The following TBC1D32 variants were observed in gnomAD, a reference collection of about 807,000 sequenced individuals.
TBC1D32 encodes protein broad-minded.
In TBC1D32, 151 loss-of-function variants were observed where a neutral mutation model predicts 170.3. That is an observed-to-expected ratio of 0.89 (90% CI 0.78 to 1.01). TBC1D32 has a LOEUF of 1.01. Ranked by LOEUF, TBC1D32 falls within the 50% of genes least tolerant of loss-of-function variation. The pLI is 0.00. For missense variants in TBC1D32, 1,464 were observed against 1,457.1 expected (o/e 1.00, Z -0.08); for synonymous variants, 498 against 488.0 (o/e 1.02, Z -0.27).
chr6:121,304,499 A>G (rs1342824739), intron 7 of TBC1D32, 23 bp downstream of exon 7: 1 of 1,601,218 alleles, frequency 6.2e-7, no homozygotes, highest in South Asian at 1.1e-5. Flanking sequence ...TAAAAATGAA[A>G]GCATATTGTA....
intron 24 of TBC1D32, among the ~76,000 whole-genome samples, chr6:121,133,833 G>A (rs537844754): frequency 1.2e-4 from 19 of 152,074 alleles, no homozygotes; most frequent in African/African-American, 4.1e-4. Flanking sequence ...ACAATGATAC[G>A]TTTCACAAAT....
intron 2 of TBC1D32, 60 bp from the exon 3 acceptor site, chr6:121,317,732 A>C (rs1379088129): frequency 4.1e-6 from 5 of 1,224,772 alleles, no homozygotes; most frequent in Non-Finnish European, 4.5e-6. Flanking sequence ...ACAGTCAACT[A>C]GTTAAATTAT....
intron 22 of TBC1D32, among the ~76,000 whole-genome samples, chr6:121,185,922 C>A (rs564999710): frequency 6.6e-6 from 1 of 152,072 alleles, no homozygotes; most frequent in African/African-American, 2.4e-5. Context: ...ACGCAGGACA[C>A]AACACCTTGG....
chr6:121,267,031 C>A (rs116208244), intron 15 of TBC1D32, among the ~76,000 whole-genome samples: 2,240 of 137,546 alleles, frequency 0.016, 42 homozygotes, highest in African/African-American at 0.05. Context: ...ACCTATGTAA[C>A]AAACATGCAT....
chr6:121,285,531 G>C (rs1033085981), intron 12 of TBC1D32, among the ~76,000 whole-genome samples: 1 of 152,088 alleles, frequency 6.6e-6, no homozygotes, highest in Non-Finnish European at 1.5e-5. Context: ...AGGTACGAGG[G>C]GTGGAGCCAA....
chr6:121,241,081 T>C (rs1796927256), intron 19 of TBC1D32, among the ~76,000 whole-genome samples: 1 of 152,070 alleles, frequency 6.6e-6, no homozygotes, highest in Admixed American at 6.6e-5. Flanking sequence ...TTTTGAAGCA[T>C]ATGTAAGCCA....
intron 22 of TBC1D32, among the ~76,000 whole-genome samples, chr6:121,171,179 A>T (rs1786930410): frequency 6.6e-6 from 1 of 152,004 alleles, no homozygotes; most frequent in South Asian, 2.1e-4. Context: ...CATTAGAGAA[A>T]CATATTTAAA....
At chr6:121,102,143 C>T (rs931472906) in intron 30 of TBC1D32, among the ~76,000 whole-genome samples, 9 of 152,052 alleles carry the variant, frequency 5.9e-5, no homozygotes, top group Middle Eastern at 3.4e-3. Flanking sequence ...GAATCAACAC[C>T]GTGAAAATGG....
At chr6:121,174,670 C>T (rs1029295754) in intron 22 of TBC1D32, among the ~76,000 whole-genome samples, 1 of 152,100 alleles carries the variant, frequency 6.6e-6, no homozygotes, top group Non-Finnish European at 1.5e-5. Context: ...ATTTAAACAG[C>T]TTTAATGACA....
At chr6:121,115,656 C>G (rs1276385859) in intron 26 of TBC1D32, 1 of 153,434 alleles carries the variant, frequency 6.5e-6, no homozygotes, top group African/African-American at 2.4e-5. Context: ...AATCAGTGTT[C>G]CACTTTTAAT....
chr6:121,150,280 C>T (rs1784048497), intron 24 of TBC1D32, among the ~76,000 whole-genome samples: 1 of 151,556 alleles, frequency 6.6e-6, no homozygotes, highest in East Asian at 1.9e-4. Context: ...ATGTTTTTGT[C>T]TGTTCTGTTT....
chr6:121,192,942 C>T (rs1033919765), intron 22 of TBC1D32, among the ~76,000 whole-genome samples: 5 of 152,134 alleles, frequency 3.3e-5, no homozygotes, highest in Admixed American at 2.0e-4. Context: ...TCAGGAGCCA[C>T]CTCCAACACC....
chr6:121,220,431 T>C (rs1033661676), intron 21 of TBC1D32, among the ~76,000 whole-genome samples: 3 of 152,128 alleles, frequency 2.0e-5, no homozygotes, highest in Non-Finnish European at 4.4e-5. Context: ...TAACTCTCTT[T>C]AGTTTTACGA....
At chr6:121,120,894 C>T (rs930775503) in intron 26 of TBC1D32, among the ~76,000 whole-genome samples, 2 of 151,854 alleles carry the variant, frequency 1.3e-5, no homozygotes, top group Non-Finnish European at 2.9e-5. Flanking sequence ...TCTTTTACCC[C>T]TTTCCCAGGT....
chr6:121,322,058 CTT>C (rs935427842), intron 1 of TBC1D32, among the ~76,000 whole-genome samples: 31 of 152,084 alleles, frequency 2.0e-4, no homozygotes, highest in African/African-American at 7.5e-4. Context: ...TTAGAAGTCT[CTT>C]TACATTTCTT....
At chr6:121,134,876 C>G (rs1359544351) in intron 24 of TBC1D32, among the ~76,000 whole-genome samples, 1 of 152,106 alleles carries the variant, frequency 6.6e-6, no homozygotes, top group Non-Finnish European at 1.5e-5. Context: ...TCATTGCTTG[C>G]ATCTACTGCC....
chr6:121,144,696 G>T (rs924322247), intron 24 of TBC1D32, among the ~76,000 whole-genome samples: 5 of 152,000 alleles, frequency 3.3e-5, no homozygotes, highest in African/African-American at 1.2e-4. Flanking sequence ...TGAGTTCAAG[G>T]CAAAGATAAG....
At chr6:121,296,207 T>G (rs1045615245) in intron 10 of TBC1D32, among the ~76,000 whole-genome samples, 1 of 152,188 alleles carries the variant, frequency 6.6e-6, no homozygotes, top group Non-Finnish European at 1.5e-5. Flanking sequence ...TACTTTCATA[T>G]CTTCCATACT....
chr6:121,286,160 G>A (rs188602518), intron 12 of TBC1D32, among the ~76,000 whole-genome samples: 2 of 152,276 alleles, frequency 1.3e-5, no homozygotes, highest in African/African-American at 4.8e-5. Flanking sequence ...CGAGTTGAGA[G>A]AGGAAGCCTT....
Sources: gnomAD v4.1 joint callset for allele counts (sites outside exome capture counted in the v4.1 genomes callset) on GRCh38, gnomAD v4.1.1 for gene constraint, MANE v1.5 for transcripts, NCBI Gene and HGNC (gene_info 2026-07-23, HGNC 2026-07-21) for gene names.